Variants in KCND2 observed in about 807,000 individuals in gnomAD.
The protein encoded by KCND2 is A-type voltage-gated potassium channel KCND2.
KCND2 carries 16 observed loss-of-function variants against 54.4 expected under a neutral mutation model. The observed-to-expected ratio is 0.29, with a 90% CI of 0.20 to 0.45. The LOEUF (loss-of-function observed/expected upper bound fraction) is 0.45, where lower values mean the gene tolerates loss of function less well. Ranked by LOEUF, KCND2 falls within the 20% of genes least tolerant of loss-of-function variation. KCND2 has a pLI of 1.00. For missense variants in KCND2, 486 were observed against 824.2 expected, an observed-to-expected ratio of 0.59 and a Z score of 5.02; for synonymous variants, 317 against 310.7, an observed-to-expected ratio of 1.02 and a Z score of -0.21.
chr7:120,717,250 C>T (rs537636945), intron 1 of KCND2, among the ~76,000 whole-genome samples: 2 of 152,094 alleles, frequency 1.3e-5, no homozygotes, highest in South Asian at 2.1e-4. Flanking sequence ...GAAACCATGA[C>T]GATGTCAATG....
intron 1 of KCND2, among the ~76,000 whole-genome samples, chr7:120,619,122 C>A (rs1793065982): frequency 6.6e-6 from 1 of 152,136 alleles, no homozygotes; most frequent in South Asian, 2.1e-4. Flanking sequence ...TGTTGAATGA[C>A]TGAATGAAGA....
At chr7:120,471,592 C>T in intron 1 of KCND2, among the ~76,000 whole-genome samples, 1 of 152,016 alleles carries the variant, frequency 6.6e-6, no homozygotes, top group East Asian at 1.9e-4. Flanking sequence ...ACTGTCACTG[C>T]CTATTTCACT....
At chr7:120,278,264 T>C (rs1799208096) in intron 1 of KCND2, among the ~76,000 whole-genome samples, 1 of 151,940 alleles carries the variant, frequency 6.6e-6, no homozygotes, top group African/African-American at 2.4e-5. Flanking sequence ...TAATACAAAA[T>C]ATTCAATAAA....
intron 1 of KCND2, among the ~76,000 whole-genome samples, chr7:120,425,021 T>C (rs573248356): frequency 1.3e-5 from 2 of 152,376 alleles, no homozygotes; most frequent in South Asian, 2.1e-4. Flanking sequence ...ATTGATTTCA[T>C]TTTATAGTGA....
At chr7:120,440,914 A>G (rs1162614270) in intron 1 of KCND2, among the ~76,000 whole-genome samples, 2 of 152,048 alleles carry the variant, frequency 1.3e-5, no homozygotes, top group Non-Finnish European at 2.9e-5. Flanking sequence ...TGAGACTATC[A>G]ATTATCTCTG....
At chr7:120,349,390 A>G (rs949220907) in intron 1 of KCND2, among the ~76,000 whole-genome samples, 11 of 151,834 alleles carry the variant, frequency 7.2e-5, no homozygotes, top group African/African-American at 2.7e-4. Flanking sequence ...TGAGCATTTT[A>G]ACAATGTCTT....
chr7:120,507,754 T>C (rs1357675020), intron 1 of KCND2, among the ~76,000 whole-genome samples: 1 of 151,912 alleles, frequency 6.6e-6, no homozygotes, highest in Non-Finnish European at 1.5e-5. Context: ...AGAAATAAAT[T>C]CTTATCTAAC....
At chr7:120,601,544 G>A (rs1489692505) in intron 1 of KCND2, among the ~76,000 whole-genome samples, 1 of 152,126 alleles carries the variant, frequency 6.6e-6, no homozygotes, top group African/African-American at 2.4e-5. Context: ...TGTAAAAACT[G>A]GCCATTGTTT....
intron 1 of KCND2, among the ~76,000 whole-genome samples, chr7:120,370,166 A>G (rs1254125232): frequency 1.3e-5 from 2 of 152,018 alleles, no homozygotes; most frequent in Non-Finnish European, 2.9e-5. Context: ...GAGCTAGAGC[A>G]ATGGTCCTAA....
chr7:120,383,021 T>G (rs78732434), intron 1 of KCND2, among the ~76,000 whole-genome samples: 3,599 of 152,072 alleles, frequency 0.024, 135 homozygotes, highest in African/African-American at 0.082. Flanking sequence ...TAGCTACACC[T>G]AAGTTTGCAG....
At chr7:120,624,335 C>T (rs1054387139) in intron 1 of KCND2, among the ~76,000 whole-genome samples, 16 of 152,160 alleles carry the variant, frequency 1.1e-4, no homozygotes, top group African/African-American at 3.9e-4. Flanking sequence ...TAATATGGTG[C>T]AGCTTTCCTG....
intron 4 of KCND2, among the ~76,000 whole-genome samples, chr7:120,745,530 A>G (rs1400967377): frequency 6.6e-6 from 1 of 152,032 alleles, no homozygotes; most frequent in African/African-American, 2.4e-5. Context: ...TTTCAAGATA[A>G]AGTTAGTCTA....
chr7:120,461,622 G>A (rs1191357343), intron 1 of KCND2, among the ~76,000 whole-genome samples: 1 of 152,058 alleles, frequency 6.6e-6, no homozygotes, highest in East Asian at 1.9e-4. Flanking sequence ...AATTGACAGA[G>A]ACTTCTACTA....
intron 5 of KCND2, 74 bp from the exon 6 acceptor site, chr7:120,747,607 C>A: frequency 2.0e-6 from 2 of 1,015,806 alleles, no homozygotes; most frequent in Non-Finnish European, 3.1e-6. Flanking sequence ...AGCATTACAA[C>A]ACATATTCTT....
At chr7:120,634,568 T>C (rs1793280569) in intron 1 of KCND2, among the ~76,000 whole-genome samples, 1 of 152,128 alleles carries the variant, frequency 6.6e-6, no homozygotes, top group Non-Finnish European at 1.5e-5. Context: ...CCCAAACCTG[T>C]TGCATGTGCC....
At chr7:120,297,959 G>A (rs1436821628) in intron 1 of KCND2, among the ~76,000 whole-genome samples, 1 of 152,130 alleles carries the variant, frequency 6.6e-6, no homozygotes, top group Admixed American at 6.5e-5. Flanking sequence ...CATTTGTTCA[G>A]TTCAGTACAG....
At chr7:120,362,429 G>A (rs930274785) in intron 1 of KCND2, among the ~76,000 whole-genome samples, 6 of 152,088 alleles carry the variant, frequency 3.9e-5, no homozygotes, top group South Asian at 2.1e-4. Context: ...GGAAAGGAAG[G>A]AAAAGACAAA....
At position 120,720,722 on chromosome 7, in the gene KCND2, C is replaced by T. The variant is rs139176637; in HGVS notation, c.1116-12181C>T. On this transcript the variant is annotated intron_variant, in intron 1 of 5. Coordinates refer to ENST00000331113, the MANE Select transcript of KCND2 (RefSeq NM_012281.3). ...CTGCCCTAAAACTGAAAAACTTCCT[C>T]CTCCCTTTACCCTGCAGCCTCGTGC... 5.7e-3 allele frequency among the ~76,000 whole-genome samples: 865 copies of T among 152,302 alleles called. 4 individuals carry two copies. The highest frequency in any genetic ancestry group is 0.01 in the Non-Finnish European group (700 of 68,034).
chr7:120,610,003 G>T (rs1324571067), intron 1 of KCND2, among the ~76,000 whole-genome samples: 1 of 152,106 alleles, frequency 6.6e-6, no homozygotes, highest in Non-Finnish European at 1.5e-5. Context: ...CGATAATTTG[G>T]AAAGAGTATA....
Sources: gnomAD v4.1 joint callset for allele counts (sites outside exome capture counted in the v4.1 genomes callset) on GRCh38, gnomAD v4.1.1 for gene constraint, MANE v1.5 for transcripts, NCBI Gene and HGNC (gene_info 2026-07-23, HGNC 2026-07-21) for gene names.